The following TACR3 variants were observed in gnomAD, a reference collection of about 807,000 sequenced individuals.
TACR3 encodes neuromedin-K receptor.
A neutral mutation model predicts 35.0 loss-of-function variants in TACR3; 34 were observed. The ratio of observed to expected loss-of-function variants is 0.97; its 90% confidence interval spans 0.74 to 1.30. The LOEUF (loss-of-function observed/expected upper bound fraction) is 1.30. Among genes scored for constraint, TACR3 ranks in the 50% most tolerant of loss-of-function variants. TACR3 has a pLI of 0.00. For missense variants in TACR3, 558 were observed against 591.7 expected, an observed-to-expected ratio of 0.94 and a Z score of 0.59; for synonymous variants, 233 against 221.1, an observed-to-expected ratio of 1.05 and a Z score of -0.48.
chr4:103,688,104 A>C (rs1448477089), intron 1 of TACR3, among the ~76,000 whole-genome samples: 3 of 152,190 alleles, frequency 2.0e-5, no homozygotes, highest in East Asian at 3.9e-4. Flanking sequence ...CATATCTACA[A>C]ATATCTGATC....
chr4:103,699,037 A>G (rs755421141), intron 1 of TACR3, among the ~76,000 whole-genome samples: 6 of 152,184 alleles, frequency 3.9e-5, no homozygotes, highest in Admixed American at 2.0e-4. Flanking sequence ...GTGTTCTCAT[A>G]GTTACCATGC....
intron 3 of TACR3, 125 bp downstream of exon 3, chr4:103,656,069 C>A: frequency 1.5e-5 from 19 of 1,239,818 alleles, no homozygotes; most frequent in Non-Finnish European, 2.2e-5. Flanking sequence ...AAAATTAAAA[C>A]AAAGACATTA....
intron 3 of TACR3, among the ~76,000 whole-genome samples, chr4:103,617,887 T>C (rs1418515412): frequency 1.3e-5 from 2 of 152,164 alleles, no homozygotes; most frequent in African/African-American, 4.8e-5. Context: ...TTTGAAAGAA[T>C]ATGTGTTTAT....
intron 3 of TACR3, among the ~76,000 whole-genome samples, chr4:103,606,382 G>C (rs1724363431): frequency 6.6e-6 from 1 of 152,184 alleles, no homozygotes; most frequent in Non-Finnish European, 1.5e-5. Flanking sequence ...GTAGTTGGAT[G>C]GGGATGGCAT....
rs181948113 is a variant in TACR3 at position 103,697,585 on chromosome 4, C to T, written c.548+21543G>A. Among the ~76,000 whole-genome samples, 594 of 151,910 alleles carry T rather than the reference C, an allele frequency of 3.9e-3. 3 individuals carry two copies. The highest frequency in any genetic ancestry group is 0.013 in the African/African-American group (545 of 41,440). On this transcript the variant is annotated intron_variant, in intron 1 of 4. Transcript: ENST00000304883. ...GACTACAGGCGCCCGCCACCACGCCCGGCTAATTTTTTGTATTTTTAGTAG... is the reference window on the plus strand; with the variant it reads ...GACTACAGGCGCCCGCCACCACGCCTGGCTAATTTTTTGTATTTTTAGTAG...
intron 1 of TACR3, among the ~76,000 whole-genome samples, chr4:103,688,120 C>A (rs1042552839): frequency 7.2e-5 from 11 of 152,124 alleles, no homozygotes; most frequent in East Asian, 1.9e-4. Context: ...TGATCTTTGA[C>A]AAACTTGAGA....
intron 1 of TACR3, among the ~76,000 whole-genome samples, chr4:103,679,404 A>G (rs1307951424): frequency 6.6e-6 from 1 of 152,012 alleles, no homozygotes; most frequent in East Asian, 1.9e-4. Flanking sequence ...TGGTGAAAGT[A>G]TTCTGAGGGG....
chr4:103,718,477 T>C (rs1723138999), intron 1 of TACR3, among the ~76,000 whole-genome samples: 1 of 152,248 alleles, frequency 6.6e-6, no homozygotes, highest in African/African-American at 2.4e-5. Flanking sequence ...GACACAGGGT[T>C]TACTCAGTTC....
chr4:103,603,497 C>T (rs569288458), intron 3 of TACR3, among the ~76,000 whole-genome samples: 66 of 152,154 alleles, frequency 4.3e-4, no homozygotes, highest in African/African-American at 1.4e-3. Flanking sequence ...TCACGCTGGG[C>T]GAACTTATCC....
intron 1 of TACR3, among the ~76,000 whole-genome samples, chr4:103,665,726 T>C (rs944373182): frequency 2.0e-5 from 3 of 152,192 alleles, no homozygotes; most frequent in Non-Finnish European, 4.4e-5. Context: ...TGGTTAAATG[T>C]TCCTTGGGGC....
At chr4:103,691,010 G>T (rs779198134) in intron 1 of TACR3, among the ~76,000 whole-genome samples, 1 of 152,092 alleles carries the variant, frequency 6.6e-6, no homozygotes, top group South Asian at 2.1e-4. Context: ...TGGAACAAGC[G>T]CAACTCTCAC....
At chr4:103,609,242 G>C (rs1286176283) in intron 3 of TACR3, among the ~76,000 whole-genome samples, 1 of 152,080 alleles carries the variant, frequency 6.6e-6, no homozygotes, top group Non-Finnish European at 1.5e-5. Flanking sequence ...TATTTCAACA[G>C]TGGCCACAAA....
At chr4:103,645,879 A>G (rs1160669900) in intron 3 of TACR3, among the ~76,000 whole-genome samples, 1 of 151,912 alleles carries the variant, frequency 6.6e-6, no homozygotes, top group Non-Finnish European at 1.5e-5. Context: ...AATATATGTG[A>G]CCAAGATTAC....
At chr4:103,692,059 G>A (rs979419747) in intron 1 of TACR3, among the ~76,000 whole-genome samples, 24 of 152,026 alleles carry the variant, frequency 1.6e-4, no homozygotes, top group African/African-American at 5.3e-4. Context: ...CTGGGTTAGG[G>A]TCTCCTGGAC....
chr4:103,634,219 G>T (rs1725130293), intron 3 of TACR3, among the ~76,000 whole-genome samples: 1 of 152,008 alleles, frequency 6.6e-6, no homozygotes, highest in African/African-American at 2.4e-5. Context: ...GAGGAACAAT[G>T]ATATCAATGG....
intron 3 of TACR3, among the ~76,000 whole-genome samples, chr4:103,593,930 C>T (rs1421297050): frequency 6.6e-6 from 1 of 152,072 alleles, no homozygotes; most frequent in Non-Finnish European, 1.5e-5. Flanking sequence ...ATATTTCGGG[C>T]ACCTAGACTG....
At chr4:103,651,940 A>G (rs1023948406) in intron 3 of TACR3, among the ~76,000 whole-genome samples, 7 of 151,806 alleles carry the variant, frequency 4.6e-5, no homozygotes, top group Non-Finnish European at 1.0e-4. Flanking sequence ...GCCCTATCTT[A>G]TTGTGGCTGA....
rs79262155 is a variant in TACR3, at chr4:103,652,670, T to G, written c.888+3524A>C. On this transcript the variant is annotated intron_variant, in intron 3 of 4. Transcript: ENST00000304883. ...GACCATCCTGCTCCACCCCGTGTAGTCTCTTATTATTAAGAGTCTGGCTCA... is the reference window on the plus strand; with the variant it reads ...GACCATCCTGCTCCACCCCGTGTAGGCTCTTATTATTAAGAGTCTGGCTCA... Among the ~76,000 whole-genome samples, 1,313 of 152,072 alleles carry G rather than the reference T, an allele frequency of 8.6e-3. 21 individuals carry two copies. The highest frequency in any genetic ancestry group is 0.03 in the African/African-American group (1,231 of 41,456).
intron 1 of TACR3, among the ~76,000 whole-genome samples, chr4:103,662,964 C>A (rs913973646): frequency 6.6e-6 from 1 of 152,088 alleles, no homozygotes; most frequent in Admixed American, 6.5e-5. Context: ...CCCTAACAAA[C>A]TAAGACAGTG....
Sources: gnomAD v4.1 joint callset for allele counts (sites outside exome capture counted in the v4.1 genomes callset) on GRCh38, gnomAD v4.1.1 for gene constraint, MANE v1.5 for transcripts, NCBI Gene and HGNC (gene_info 2026-07-23, HGNC 2026-07-21) for gene names.